PRKCZ: variants seen among roughly 807,000 people sequenced by gnomAD.
PRKCZ encodes the protein protein kinase C zeta type.
Under a neutral mutation model 79.5 loss-of-function variants are expected in PRKCZ, and 33 were observed. That is an observed-to-expected ratio of 0.41 (90% CI 0.31 to 0.55). The LOEUF (loss-of-function observed/expected upper bound fraction) is 0.55. PRKCZ is among the 20% of genes least tolerant of loss of function. The probability of loss-of-function intolerance (pLI) is 0.19; values close to 1 mark genes in which losing one functional copy is unlikely to be tolerated. For missense variants in PRKCZ, 578 were observed against 813.5 expected (o/e 0.71, Z 3.52); for synonymous variants, 342 against 320.9 (o/e 1.07, Z -0.70).
intron 4 of PRKCZ, among the ~76,000 whole-genome samples, chr1:2,103,873 G>A (rs2102616315): frequency 6.6e-6 from 1 of 152,262 alleles, no homozygotes; most frequent in South Asian, 2.1e-4. Context: ...GGGAGGAGAG[G>A]GGTGAAGGGC....
intron 4 of PRKCZ, among the ~76,000 whole-genome samples, chr1:2,130,643 T>G (rs114127215): frequency 1.3e-5 from 2 of 152,018 alleles, no homozygotes; most frequent in African/African-American, 4.8e-5. Flanking sequence ...GCCGCAGCAC[T>G]GCTGCTTAGG....
intron 4 of PRKCZ, among the ~76,000 whole-genome samples, chr1:2,067,043 T>G (rs112469575): frequency 5.3e-5 from 8 of 152,268 alleles, no homozygotes; most frequent in Admixed American, 5.2e-4. Context: ...ATTGGTTGAG[T>G]GTGTAGTGTT....
intron 4 of PRKCZ, among the ~76,000 whole-genome samples, chr1:2,079,744 GT>G (rs1166117160): frequency 6.6e-5 from 10 of 152,352 alleles, no homozygotes; most frequent in Admixed American, 6.5e-4. Context: ...GTACTCAGCT[GT>G]TTTCACCGAG....
intron 4 of PRKCZ, among the ~76,000 whole-genome samples, chr1:2,114,488 T>C (rs1670347953): frequency 6.6e-6 from 1 of 152,212 alleles, no homozygotes; most frequent in African/African-American, 2.4e-5. Context: ...AAGAAAAAGA[T>C]AAGATGACTG....
chr1:2,102,407 A>T (rs767714546), intron 4 of PRKCZ, among the ~76,000 whole-genome samples: 7 of 151,230 alleles, frequency 4.6e-5, no homozygotes, highest in Non-Finnish European at 1.0e-4. Flanking sequence ...ATCTTGGCTC[A>T]CTGCAAGCCC....
At chr1:2,115,349 C>T (rs967339021) in intron 4 of PRKCZ, among the ~76,000 whole-genome samples, 1 of 152,242 alleles carries the variant, frequency 6.6e-6, no homozygotes, top group Non-Finnish European at 1.5e-5. Context: ...TTGCCCGTGG[C>T]GCATCTTTCA....
At position 2,144,234 on chromosome 1, in the gene PRKCZ, G is replaced by A. The variant is rs775001561; in HGVS notation, c.445G>A (p.Glu149Lys). Residue 149 changes from glutamate (E) to lysine (K), a missense_variant, in exon 6 of 18, where the codon GAG (glutamate) becomes AAG (lysine). Glu to Lys is a moderately conservative substitution (Grantham distance 56). Coordinates refer to ENST00000378567, the MANE Select transcript of PRKCZ (RefSeq NM_002744.6). ...NRRAYCGQCSERIWGLARQGY... is the reference protein window; with the variant it reads ...NRRAYCGQCSKRIWGLARQGY... ...GAGAGCGTACTGCGGTCAGTGCAGC[G>A]AGAGGATATGGGGCCTCGCGAGGCA... 3.2e-6 allele frequency: 5 copies of A among 1,552,956 alleles called. No individual in the cohort carries two copies. The highest frequency in any genetic ancestry group is 4.9e-5 in the East Asian group (2 of 41,224).
intron 4 of PRKCZ, among the ~76,000 whole-genome samples, chr1:2,120,261 C>T (rs1218823402): frequency 8.0e-5 from 8 of 100,198 alleles, no homozygotes; most frequent in African/African-American, 3.0e-4. Flanking sequence ...TAGCTTTTGT[C>T]TCTTTTGGAA....
intron 4 of PRKCZ, among the ~76,000 whole-genome samples, chr1:2,113,579 C>G (rs1032450413): frequency 7.2e-5 from 11 of 152,214 alleles, no homozygotes; most frequent in Non-Finnish European, 1.3e-4. Context: ...ATGGACTTCT[C>G]TTATCCTGAC....
intron 5 of PRKCZ, chr1:2,143,621 A>G (rs1290052607): frequency 1.3e-5 from 2 of 152,288 alleles, no homozygotes; most frequent in Admixed American, 1.3e-4. Context: ...GATAATTACC[A>G]TCATTTTGGA....
In PRKCZ at chr1:2,064,788, T is replaced by A. The variant is rs28789425; in HGVS notation, c.334+5197T>A. On this transcript the variant is annotated intron_variant, in intron 4 of 17. Coordinates refer to ENST00000378567, the MANE Select transcript of PRKCZ (RefSeq NM_002744.6). ...TGTAGGAAGTTTTGAAATCAGGAAG[T>A]GTGAGCCCTCCAGCTTTGTTCTTCC... Among the ~76,000 whole-genome samples, 1,651 of 152,346 alleles carry A rather than the reference T, an allele frequency of 0.011. 138 individuals are homozygous for A. In the East Asian group the frequency reaches 0.21, roughly 19 times the overall value.
intron 4 of PRKCZ, among the ~76,000 whole-genome samples, chr1:2,066,625 A>C (rs1305746600): frequency 6.6e-6 from 1 of 152,178 alleles, no homozygotes; most frequent in Non-Finnish European, 1.5e-5. Context: ...TTCGGGCATG[A>C]GCTGCTGCGC....
intron 4 of PRKCZ, among the ~76,000 whole-genome samples, chr1:2,124,837 C>T (rs2102925937): frequency 6.6e-6 from 1 of 152,078 alleles, no homozygotes; most frequent in South Asian, 2.1e-4. Flanking sequence ...ACCTTCTCTT[C>T]TGACGCACTT....
At chr1:2,109,645 A>G (rs1669317269) in intron 4 of PRKCZ, among the ~76,000 whole-genome samples, 1 of 152,164 alleles carries the variant, frequency 6.6e-6, no homozygotes, top group African/African-American at 2.4e-5. Context: ...TGGTGAGGAC[A>G]CGGGGTTGCG....
At chr1:2,162,668 A>C (rs1404564818) in intron 10 of PRKCZ, among the ~76,000 whole-genome samples, 1 of 152,030 alleles carries the variant, frequency 6.6e-6, no homozygotes, top group African/African-American at 2.4e-5. Flanking sequence ...ATCTGGTCTC[A>C]AACTCCTGGG....
At position 2,150,778 on chromosome 1, in the gene PRKCZ, C is replaced by T; in HGVS notation, c.688-12C>T. On this transcript the variant is annotated splice_polypyrimidine_tract_variant and intron_variant, in intron 8 of 17. Coordinates refer to ENST00000378567, the MANE Select transcript of PRKCZ (RefSeq NM_002744.6). ...CCCTCTCACTTTCTGGGGTCTTGTT[C>T]TCCCTCCCTAGGACCTTAAGCCAGT... is the stretch of plus-strand genomic sequence containing the variant. 6.2e-7 allele frequency: 1 copy of T among 1,607,944 alleles called. No individual in the cohort carries two copies. The highest frequency in any genetic ancestry group is 8.5e-7 in the Non-Finnish European group (1 of 1,175,984).
chr1:2,148,432 TATCC>T (rs199916306), intron 7 of PRKCZ, among the ~76,000 whole-genome samples: 6 of 151,750 alleles, frequency 4.0e-5, no homozygotes, highest in African/African-American at 7.3e-5. Flanking sequence ...CCTCTCCATC[TATCC>T]ATCCATCTAT....
intron 4 of PRKCZ, among the ~76,000 whole-genome samples, chr1:2,089,871 C>T (rs550873319): frequency 9.9e-5 from 15 of 151,988 alleles, no homozygotes; most frequent in Admixed American, 2.6e-4. Flanking sequence ...TTGAATGTAG[C>T]CAGGGCAACA....
At chr1:2,148,358 T>C (rs928218593) in intron 7 of PRKCZ, among the ~76,000 whole-genome samples, 7 of 151,696 alleles carry the variant, frequency 4.6e-5, no homozygotes, top group Admixed American at 2.6e-4. Flanking sequence ...TCCACTGACC[T>C]CTCCATCTAT....
Sources: allele counts gnomAD v4.1 joint callset (sites outside exome capture counted in the v4.1 genomes callset), GRCh38; gene constraint gnomAD v4.1.1; transcripts MANE v1.5; gene names NCBI Gene and HGNC (gene_info 2026-07-23, HGNC 2026-07-21).